Variants in LRRC4C observed in about 807,000 individuals in gnomAD.
LRRC4C encodes the protein leucine rich repeat containing 4C, also known as leucine-rich repeat-containing protein 4C.
Under a neutral mutation model 33.6 loss-of-function variants are expected in LRRC4C, and 5 were observed. The ratio of observed to expected loss-of-function variants is 0.15; its 90% CI spans 0.08 to 0.31. LRRC4C has a LOEUF of 0.31. Among genes scored for constraint, LRRC4C ranks in the 10% least tolerant of loss-of-function variants. The probability of loss-of-function intolerance (pLI) is 1.00; values close to 1 mark genes in which losing one functional copy is unlikely to be tolerated. For missense variants in LRRC4C, 560 were observed against 796.7 expected (o/e 0.70, Z 3.58); for synonymous variants, 329 against 302.0 (o/e 1.09, Z -0.93).
intron 3 of LRRC4C, among the ~76,000 whole-genome samples, chr11:40,499,294 G>C (rs1191046556): frequency 6.6e-6 from 1 of 152,006 alleles, no homozygotes; most frequent in Non-Finnish European, 1.5e-5. Context: ...CTTCCATATG[G>C]CCACCAGGTA....
At chr11:40,761,991 G>A (rs1158179768) in intron 2 of LRRC4C, among the ~76,000 whole-genome samples, 1 of 152,054 alleles carries the variant, frequency 6.6e-6, no homozygotes, top group African/African-American at 2.4e-5. Context: ...TACCAATAAG[G>A]TACTCAAAAA....
intron 2 of LRRC4C, among the ~76,000 whole-genome samples, chr11:40,667,473 T>C (rs1393771886): frequency 6.6e-6 from 1 of 152,210 alleles, no homozygotes. Context: ...TAGGAGAGAA[T>C]CTGCAACTTG....
chr11:40,680,117 T>C (rs1457069161), intron 2 of LRRC4C, among the ~76,000 whole-genome samples: 1 of 152,198 alleles, frequency 6.6e-6, no homozygotes. Context: ...AGCTTTAAGA[T>C]TTGACTGTCC....
chr11:41,430,344 T>C (rs1955189550), intron 1 of LRRC4C, among the ~76,000 whole-genome samples: 1 of 152,142 alleles, frequency 6.6e-6, no homozygotes, highest in African/African-American at 2.4e-5. Context: ...ATACTATGCT[T>C]CTCCTTAGGT....
chr11:40,682,927 C>G (rs1944768978), intron 2 of LRRC4C, among the ~76,000 whole-genome samples: 1 of 151,978 alleles, frequency 6.6e-6, no homozygotes, highest in Non-Finnish European at 1.5e-5. Flanking sequence ...TGCTGTTCCC[C>G]ACGTCCAAAG....
In LRRC4C at chr11:40,311,059, C is replaced by T. The variant is rs115511927; in HGVS notation, c.-176+8569G>A. 4.2e-3 allele frequency among the ~76,000 whole-genome samples: 642 copies of T among 152,272 alleles called. 6 individuals carry two copies. The highest frequency in any genetic ancestry group is 0.015 in the African/African-American group (610 of 41,572). ...TCTCTGCCAAAACAGAAAATATCTC[C>T]ATATTCTGTGCAACCATACTTTATC... On this transcript the variant is annotated intron_variant, in intron 4 of 6. Transcript: ENST00000528697.
chr11:40,817,083 C>A (rs1951735571), intron 2 of LRRC4C, among the ~76,000 whole-genome samples: 2 of 152,076 alleles, frequency 1.3e-5, no homozygotes, highest in Non-Finnish European at 2.9e-5. Flanking sequence ...AGACAAATTG[C>A]AGTGGTGTAA....
rs375059790 is a variant in LRRC4C, at chr11:40,187,798, C to G, written c.-95-46945G>C. Among the ~76,000 whole-genome samples the G allele has an allele frequency of 7.2e-5, 11 of 152,066 alleles. No homozygotes were observed. In the East Asian group the frequency reaches 7.7e-4, roughly 11 times the overall value. ...TTCATAGATGAGGAGCTTTTACAAT[C>G]AATACCCTGTAGAGAACAGATGCAA... On this transcript the variant is annotated intron_variant, in intron 5 of 6. Transcript: ENST00000528697.
intron 1 of LRRC4C, among the ~76,000 whole-genome samples, chr11:41,371,861 C>T (rs1054258708): frequency 6.6e-6 from 1 of 152,200 alleles, no homozygotes; most frequent in Non-Finnish European, 1.5e-5. Context: ...TTGGGCCGGG[C>T]GCGGTGGCTC....
At chr11:41,450,223 A>G (rs1454574296) in intron 1 of LRRC4C, among the ~76,000 whole-genome samples, 1 of 152,102 alleles carries the variant, frequency 6.6e-6, no homozygotes. Flanking sequence ...TGTACAAGGC[A>G]CTGGCACCCC....
chr11:41,337,456 T>C (rs1951493229), intron 1 of LRRC4C, among the ~76,000 whole-genome samples: 1 of 152,232 alleles, frequency 6.6e-6, no homozygotes, highest in African/African-American at 2.4e-5. Flanking sequence ...CTCTTTTTAA[T>C]AAATGGTGCT....
At chr11:41,373,863 T>C (rs1252877077) in intron 1 of LRRC4C, among the ~76,000 whole-genome samples, 3 of 152,234 alleles carry the variant, frequency 2.0e-5, no homozygotes, top group Non-Finnish European at 4.4e-5. Flanking sequence ...AATGAGATCT[T>C]ACTAACGTCC....
In LRRC4C at chr11:41,269,660, C is replaced by G. The variant is rs77518974; in HGVS notation, c.-496+189771G>C. Among the ~76,000 whole-genome samples, 683 of 152,204 alleles carry G rather than the reference C, an allele frequency of 4.5e-3. 6 individuals carry two copies. Among genetic ancestry groups the G allele is most frequent in the African/African-American group, 0.016 (658 of 41,548 alleles). ...GTGCCAATTGTGGGAGCTACTGACA[C>G]ACGCTGATTTTCCTGAGTAAATCAA... On this transcript the variant is annotated intron_variant, in intron 1 of 6. Coordinates refer to ENST00000528697, the MANE Select transcript of LRRC4C (RefSeq NM_001258419.2).
At chr11:40,156,613 C>T (rs1858711961) in intron 5 of LRRC4C, among the ~76,000 whole-genome samples, 2 of 150,876 alleles carry the variant, frequency 1.3e-5, no homozygotes, top group South Asian at 4.2e-4. Context: ...GCAAAAAAAC[C>T]ACAAAAAACA....
At chr11:40,256,488 C>T (rs1364626705) in intron 4 of LRRC4C, among the ~76,000 whole-genome samples, 2 of 152,088 alleles carry the variant, frequency 1.3e-5, no homozygotes, top group Admixed American at 6.6e-5. Flanking sequence ...GCTTCTGTAA[C>T]CTTAACACAT....
intron 4 of LRRC4C, among the ~76,000 whole-genome samples, chr11:40,264,352 CA>C (rs1327567251): frequency 6.6e-6 from 1 of 152,180 alleles, no homozygotes; most frequent in Non-Finnish European, 1.5e-5. Context: ...TTCCAATTTT[CA>C]AAACCATTCT....
intron 1 of LRRC4C, among the ~76,000 whole-genome samples, chr11:41,264,195 A>G (rs554921004): frequency 5.9e-5 from 9 of 151,340 alleles, no homozygotes; most frequent in Non-Finnish European, 8.8e-5. Context: ...GGGTTCAGGC[A>G]ATGCTCCTGC....
chr11:40,115,325 T>C lies in LRRC4C; in HGVS notation c.968A>G (p.Asn323Ser). The change falls in exon 7 of 7, where the codon AAC becomes AGC. Residue 323 changes from asparagine to serine, a missense_variant. Physicochemically the swap from Asn to Ser is conservative, Grantham distance 46 (BLOSUM62 1). Around this residue, in one of 3 missense-constraint regions of LRRC4C, gnomAD observed 455 missense variants for 643.8 expected, o/e 0.71. Coordinates refer to ENST00000528697, the MANE Select transcript of LRRC4C (RefSeq NM_001258419.2). This position sits in a 1 kb window ranked among gnomAD's most constrained non-coding sequence, Gnocchi z 6.7. Reference sequence around the variant, plus strand: ...GTTACACCGGGCACAACAAGCTGTGTTCGAGGGGGCCATGTCTTTTATCCA... The same window carrying C: ...GTTACACCGGGCACAACAAGCTGTGCTCGAGGGGGCCATGTCTTTTATCCA... ...SWWIKDMAPS[N>S]TACCARCNTP... 6.2e-7 allele frequency: 1 copy of C among 1,614,178 alleles called. No homozygotes were observed. The highest frequency in any genetic ancestry group is 8.5e-7 in the Non-Finnish European group (1 of 1,180,026).
At chr11:41,078,572 G>A (rs1028732553) in intron 1 of LRRC4C, among the ~76,000 whole-genome samples, 1 of 152,124 alleles carries the variant, frequency 6.6e-6, no homozygotes, top group East Asian at 1.9e-4. Context: ...AGCGAGCAAA[G>A]GGGTAGGTGC....
Sources: allele counts gnomAD v4.1 joint callset (sites outside exome capture counted in the v4.1 genomes callset), GRCh38; gene constraint gnomAD v4.1.1; regional missense constraint gnomAD v4.1.1; non-coding constraint Gnocchi (gnomAD v3.1); transcripts MANE v1.5; gene names NCBI Gene and HGNC (gene_info 2026-07-23, HGNC 2026-07-21).